The following ROBO1 variants were observed in gnomAD, a reference collection of about 807,000 sequenced individuals.
The protein encoded by ROBO1 is roundabout homolog 1.
Under a neutral mutation model 195.9 loss-of-function variants are expected in ROBO1, and 149 were observed. The ratio of observed to expected loss-of-function variants is 0.76; its 90% CI spans 0.67 to 0.87. The LOEUF is 0.87. ROBO1 is among the 40% of genes least tolerant of loss of function. The pLI, the probability that ROBO1 is intolerant of heterozygous loss-of-function variation, is 0.00. For synonymous variants in ROBO1, 816 were observed against 733.2 expected, an observed-to-expected ratio of 1.11 and a Z score of -1.82; for missense variants, 1,933 against 2,068.3, an observed-to-expected ratio of 0.93 and a Z score of 1.27.
In ROBO1 at chr3:78,685,932, T is replaced by C. The variant is rs1443469200; in HGVS notation, c.1171-15A>G. 5.8e-6 allele frequency: 9 copies of C among 1,542,098 alleles called. No individual in the cohort carries two copies. Among genetic ancestry groups the C allele is most frequent in the African/African-American group, 1.4e-5 (1 of 72,988 alleles). On this transcript the variant is annotated splice_polypyrimidine_tract_variant and intron_variant, in intron 9 of 30. Coordinates refer to ENST00000464233, the MANE Select transcript of ROBO1 (RefSeq NM_002941.4). Reference sequence around the variant, plus strand: ...AAAAGTAGATTCTAGAACCCAGAAATTGGGATGGAGGAAAATAAAAATAGG... The same window carrying C: ...AAAAGTAGATTCTAGAACCCAGAAACTGGGATGGAGGAAAATAAAAATAGG...
At chr3:78,741,783 C>T (rs933188208) in intron 5 of ROBO1, among the ~76,000 whole-genome samples, 2 of 151,902 alleles carry the variant, frequency 1.3e-5, no homozygotes, top group Admixed American at 6.6e-5. Context: ...TCTAGCCTAC[C>T]AGTTAAACTA....
chr3:78,957,485 A>G (rs1576466768), intron 3 of ROBO1, among the ~76,000 whole-genome samples: 1 of 152,214 alleles, frequency 6.6e-6, no homozygotes, highest in East Asian at 1.9e-4. Flanking sequence ...GGGGGCCCGT[A>G]AACAACCAGT....
intron 2 of ROBO1, among the ~76,000 whole-genome samples, chr3:79,179,174 G>T (rs2081301757): frequency 6.6e-6 from 1 of 152,108 alleles, no homozygotes; most frequent in Non-Finnish European, 1.5e-5. Context: ...TTAGAAGCAG[G>T]AATAGTAACC....
rs563382431 is a variant in ROBO1 at position 78,722,931 on chromosome 3, A to C, written c.658-5048T>G. Among the ~76,000 whole-genome samples, 267 of 142,606 alleles carry C rather than the reference A, an allele frequency of 1.9e-3. 2 individuals are homozygous for C. The highest frequency in any genetic ancestry group is 6.6e-3 in the African/African-American group (258 of 39,060). 93.6% of individuals were successfully genotyped at this position (142,606 alleles called of 152,430 possible). A position where few individuals can be genotyped will look rare whatever the true frequency, so the allele number is the denominator to read the frequency against. On this transcript the variant is annotated intron_variant, in intron 5 of 30. Transcript: ENST00000464233. ...ATAAAGCACTTAGAAAAATGCCTGC[A>C]CATTATTATTATAATTATTTATTAC...
At chr3:79,110,952 T>C (rs2079874886) in intron 3 of ROBO1, among the ~76,000 whole-genome samples, 1 of 152,036 alleles carries the variant, frequency 6.6e-6, no homozygotes, top group Non-Finnish European at 1.5e-5. Context: ...AATTTGAAAA[T>C]GAGACATTGG....
chr3:79,557,811 A>G (rs1942767881), intron 2 of ROBO1, among the ~76,000 whole-genome samples: 1 of 149,294 alleles, frequency 6.7e-6, no homozygotes, highest in Non-Finnish European at 1.5e-5. Flanking sequence ...CATTACACTT[A>G]TAAATGTAGT....
At position 78,746,742 on chromosome 3, in the gene ROBO1, C is replaced by A; in HGVS notation, c.657+1G>T. ...CCTCTGCTGTTGAATTAAATACTCA[C>A]AGTTATTCTTTCATCTTTATCATCC... On this transcript the variant is annotated splice_donor_variant, in intron 5 of 30. Transcript: ENST00000464233. LOFTEE classifies it high-confidence loss of function. The A allele has an allele frequency of 6.6e-7, 1 of 1,506,904 alleles. No homozygotes were observed. The highest frequency in any genetic ancestry group is 9.0e-7 in the Non-Finnish European group (1 of 1,113,736). 93.3% of individuals were successfully genotyped at this position (1,506,904 alleles called of 1,614,324 possible). A position where few individuals can be genotyped will look rare whatever the true frequency, so the allele number is the denominator to read the frequency against.
chr3:78,724,535 A>T (rs2082119054), intron 5 of ROBO1, among the ~76,000 whole-genome samples: 4 of 102,914 alleles, frequency 3.9e-5, no homozygotes, highest in Non-Finnish European at 8.2e-5. Context: ...AAAAAAAAAA[A>T]GCCTGGTGTG....
At chr3:79,347,250 G>GA (rs532220206) in intron 2 of ROBO1, among the ~76,000 whole-genome samples, 1 of 152,042 alleles carries the variant, frequency 6.6e-6, no homozygotes, top group East Asian at 1.9e-4. Context: ...TAGTATTAAA[G>GA]AAAAAAAGCC....
intron 2 of ROBO1, among the ~76,000 whole-genome samples, chr3:79,479,512 G>C (rs983816624): frequency 9.2e-5 from 14 of 152,166 alleles, no homozygotes; most frequent in Admixed American, 2.0e-4. Context: ...CACAGCCCAA[G>C]GGTTGGAGAA....
intron 4 of ROBO1, among the ~76,000 whole-genome samples, chr3:78,864,299 T>C (rs1368993460): frequency 2.0e-5 from 3 of 152,150 alleles, no homozygotes; most frequent in African/African-American, 7.2e-5. Flanking sequence ...CAATGTTTAT[T>C]AAAGTGAAGA....
chr3:79,018,608 T>G, intron 3 of ROBO1: 1 of 1,467,126 alleles, frequency 6.8e-7, no homozygotes, highest in Non-Finnish European at 9.1e-7. Context: ...GGGCAATTAC[T>G]CGTCGACCTT....
chr3:79,038,279 C>G (rs1000407238), intron 3 of ROBO1, among the ~76,000 whole-genome samples: 10 of 152,140 alleles, frequency 6.6e-5, no homozygotes, highest in Admixed American at 2.6e-4. Context: ...ATTGAAGGAG[C>G]CTTTGAACTT....
chr3:78,659,974 G>A (rs1451164361), intron 16 of ROBO1, 167 bp from the exon 17 acceptor site: 1 of 399,638 alleles, frequency 2.5e-6, no homozygotes, highest in East Asian at 4.5e-5. Flanking sequence ...AGGCTGTAGT[G>A]CTGTGACATG....
At chr3:79,071,220 C>T (rs958078301) in intron 3 of ROBO1, among the ~76,000 whole-genome samples, 6 of 151,866 alleles carry the variant, frequency 4.0e-5, no homozygotes, top group Non-Finnish European at 8.8e-5. Flanking sequence ...ATCTATCATA[C>T]AGATTTTATT....
At chr3:79,431,587 A>C (rs902755200) in intron 2 of ROBO1, among the ~76,000 whole-genome samples, 3 of 152,166 alleles carry the variant, frequency 2.0e-5, no homozygotes, top group Non-Finnish European at 4.4e-5. Flanking sequence ...AACATGGTAC[A>C]GAAAAAAAGT....
rs758366008 is a variant in ROBO1, at chr3:78,647,594, C to G, written c.2839+35G>C. 4 of 1,596,332 alleles carry G rather than the reference C, an allele frequency of 2.5e-6. No homozygotes were observed. The Admixed American group carries it at 5.0e-5, about 20-fold the overall frequency. ...AATAGTGGAACACATGCCAAACTAA[C>G]AATGGAAAGGAGGAGGGTAAGTGCA... On this transcript the variant is annotated intron_variant, in intron 20 of 30. Coordinates refer to ENST00000464233, the MANE Select transcript of ROBO1 (RefSeq NM_002941.4).
At chr3:79,384,955 G>GA in intron 2 of ROBO1, among the ~76,000 whole-genome samples, 1 of 152,130 alleles carries the variant, frequency 6.6e-6, no homozygotes, top group East Asian at 1.9e-4. Context: ...AAGGATGACA[G>GA]AAAAAACTGC....
intron 1 of ROBO1, among the ~76,000 whole-genome samples, chr3:79,762,609 A>AACACACACAC (rs60977072): frequency 0.072 from 10,565 of 146,618 alleles, 565 homozygotes; most frequent in African/African-American, 0.15. Flanking sequence ...ATTCTGGACA[A>AACACACACAC]ACACACACAC....
Sources: allele counts gnomAD v4.1 joint callset (sites outside exome capture counted in the v4.1 genomes callset), GRCh38; gene constraint gnomAD v4.1.1; transcripts MANE v1.5; gene names NCBI Gene and HGNC (gene_info 2026-07-23, HGNC 2026-07-21).